The following SENP1 variants were observed in gnomAD, a reference collection of about 807,000 sequenced individuals.
SENP1 encodes the protein sentrin-specific protease 1.
In SENP1, 21 loss-of-function variants were observed where a neutral mutation model predicts 93.0. The ratio of observed to expected loss-of-function variants is 0.23; its 90% confidence interval spans 0.16 to 0.33. SENP1 has a LOEUF of 0.33. Among genes scored for constraint, SENP1 ranks in the 10% least tolerant of loss-of-function variants. The probability of loss-of-function intolerance (pLI) is 1.00; values close to 1 mark genes in which losing one functional copy is unlikely to be tolerated. For synonymous variants in SENP1, 256 were observed against 259.6 expected (o/e 0.99, Z 0.13); for missense variants, 591 against 758.7 (o/e 0.78, Z 2.60).
At chr12:48,048,186 A>G in intron 14 of SENP1, 106 bp from the exon 15 acceptor site, 1 of 696,254 alleles carries the variant, frequency 1.4e-6, no homozygotes. Context: ...TTCCTACAAA[A>G]TCATGACAAG....
intron 2 of SENP1, among the ~76,000 whole-genome samples, chr12:48,099,581 T>C (rs1455763378): frequency 6.6e-6 from 1 of 152,142 alleles, no homozygotes. Flanking sequence ...TCTGGGAGGC[T>C]GAGGTGGGCG....
intron 4 of SENP1, among the ~76,000 whole-genome samples, chr12:48,095,000 C>T (rs1031106760): frequency 3.3e-5 from 5 of 152,082 alleles, no homozygotes; most frequent in African/African-American, 9.7e-5. Context: ...AGTAGAGTTA[C>T]GTTTTGAGAA....
intron 5 of SENP1, among the ~76,000 whole-genome samples, chr12:48,084,832 CT>C (rs1944738354): frequency 6.6e-6 from 1 of 152,100 alleles, no homozygotes; most frequent in East Asian, 1.9e-4. Flanking sequence ...AATACATTTT[CT>C]TTTTTCTTCA....
At position 48,043,983 on chromosome 12, in the gene SENP1, G is replaced by GCAAA. The variant is rs1941174431; in HGVS notation, c.*1338_*1339insTTTG. Reference sequence around the variant, plus strand: ...AAAAAGTATAAAATGTTCCTACTTTGGAACTTAAGTACAAAATGACACTGG... The same window carrying GCAAA: ...AAAAAGTATAAAATGTTCCTACTTTGCAAAGAACTTAAGTACAAAATGACACTGG... On this transcript the variant is annotated 3_prime_UTR_variant, in exon 18 of 18. Coordinates refer to ENST00000549518, the MANE Select transcript of SENP1 (RefSeq NM_001267594.2). 6.6e-6 allele frequency: 1 copy of GCAAA among 152,386 alleles called. No homozygotes were observed. Among genetic ancestry groups the GCAAA allele is most frequent in the Non-Finnish European group, 1.5e-5 (1 of 68,008 alleles). The allele number at this position is 152,386 out of a possible 1,614,324, so 9.4% of individuals were successfully genotyped here.
intron 6 of SENP1, among the ~76,000 whole-genome samples, chr12:48,077,708 A>G (rs913997716): frequency 3.3e-5 from 5 of 151,970 alleles, no homozygotes; most frequent in Non-Finnish European, 5.9e-5. Flanking sequence ...CATTAGGTAT[A>G]TCTCCTAATG....
Position 48,074,721 on chromosome 12 carries a change from C to G in SENP1, c.625G>C (p.Ala209Pro). The G allele has an allele frequency of 6.2e-7, 1 of 1,613,262 alleles. No homozygotes were observed. The highest frequency in any genetic ancestry group is 8.5e-7 in the Non-Finnish European group (1 of 1,179,642). ...AAAGGAAAATGTGTGGTGGGTTTGG[C>G]TATAGTAAACTGTTTCCCTGTGACC... The part of the protein sequence containing the change: ...QMVTGKQFTI[A>P]KPTTHFPLHL... Residue 209 changes from alanine to proline, a missense_variant, in exon 7 of 18, where the codon GCC (alanine) becomes CCC (proline). Around this residue, in one of 4 missense-constraint regions of SENP1, gnomAD observed 214 missense variants for 243.4 expected, o/e 0.88. Transcript: ENST00000549518.
At chr12:48,048,457 C>T (rs966945200) in intron 14 of SENP1, among the ~76,000 whole-genome samples, 2 of 152,156 alleles carry the variant, frequency 1.3e-5, no homozygotes, top group Non-Finnish European at 2.9e-5. Flanking sequence ...GGTTTTATTT[C>T]TTTATATTGA....
chr12:48,082,644 T>C (rs548815213), intron 6 of SENP1, among the ~76,000 whole-genome samples: 1 of 152,344 alleles, frequency 6.6e-6, no homozygotes, highest in South Asian at 2.1e-4. Flanking sequence ...AAATATGTAA[T>C]CTAACAGATA....
At position 48,046,187 on chromosome 12, in the gene SENP1, CT is replaced by C. The variant is rs1941348284; in HGVS notation, c.1872+168del. The stretch of plus-strand genomic sequence containing the variant: ...ACGTGGCTTATCACTAATTTTCTTT[CT>C]TTTGTGATGTGATTCAGGTAGTAAC... On this transcript the variant is annotated intron_variant, in intron 17 of 17. Transcript: ENST00000549518. 2.0e-5 allele frequency among the ~76,000 whole-genome samples: 3 copies of C among 152,270 alleles called. No homozygotes were observed. In the Middle Eastern group the frequency reaches 0.01, roughly 518 times the overall value.
Position 48,062,630 on chromosome 12 carries a change from A to G in SENP1, c.1407+1080T>C, listed in dbSNP as rs34120080. Among the ~76,000 whole-genome samples the G allele has an allele frequency of 2.8e-3, 433 of 152,346 alleles. 2 individuals carry two copies. The highest frequency in any genetic ancestry group is 8.8e-3 in the African/African-American group (368 of 41,586). ...AGTATCCAATTTAAGATTCTGAGGT[A>G]GTTAAGATATAGTAGATAAGACCCA... is the stretch of plus-strand genomic sequence containing the variant. On this transcript the variant is annotated intron_variant, in intron 13 of 17. Coordinates refer to ENST00000549518, the MANE Select transcript of SENP1 (RefSeq NM_001267594.2).
intron 6 of SENP1, among the ~76,000 whole-genome samples, chr12:48,078,392 C>T (rs1176424793): frequency 2.1e-5 from 3 of 146,002 alleles, no homozygotes; most frequent in Non-Finnish European, 4.5e-5. Flanking sequence ...TACATATACA[C>T]ACACATATAT....
intron 11 of SENP1, 47 bp from the exon 12 acceptor site, chr12:48,065,267 T>C: frequency 7.0e-7 from 1 of 1,419,160 alleles, no homozygotes; most frequent in Non-Finnish European, 9.6e-7. Context: ...AATCTGTGGA[T>C]GTTCCTTGAT....
At chr12:48,047,712 T>C (rs2136747959) in intron 15 of SENP1, among the ~76,000 whole-genome samples, 1 of 152,338 alleles carries the variant, frequency 6.6e-6, no homozygotes, top group African/African-American at 2.4e-5. Context: ...TGGGCCTTGG[T>C]CTCTTCATCT....
At chr12:48,056,029 C>A (rs1942254256) in intron 13 of SENP1, among the ~76,000 whole-genome samples, 1 of 124,554 alleles carries the variant, frequency 8.0e-6, no homozygotes, top group African/African-American at 3.2e-5. Flanking sequence ...ACTTAATATA[C>A]TTAATATAGT....
At chr12:48,085,110 G>A in intron 5 of SENP1, 1 of 1,390,390 alleles carries the variant, frequency 7.2e-7, no homozygotes, top group Non-Finnish European at 1.0e-6. Flanking sequence ...CAAGGACACG[G>A]TGACTGGTTT....
chr12:48,045,212 A>G lies in SENP1; in HGVS notation c.*110T>C. 9.7e-6 allele frequency: 8 copies of G among 825,430 alleles called. No individual in the cohort carries two copies. The South Asian group carries it at 1.2e-4, about 12-fold the overall frequency. 51.1% of individuals were successfully genotyped at this position (825,430 alleles called of 1,614,324 possible). ...CTCGCCAGGGCCTGGTCCAGGATCA[A>G]GGGTGTTACAACAGCAGAGGGCTGG... is the stretch of plus-strand genomic sequence containing the variant. On this transcript the variant is annotated 3_prime_UTR_variant, in exon 18 of 18. Transcript: ENST00000549518.
chr12:48,094,548 C>T (rs1003319123), intron 4 of SENP1, among the ~76,000 whole-genome samples: 13 of 152,042 alleles, frequency 8.6e-5, no homozygotes, highest in African/African-American at 2.9e-4. Context: ...GGCATGGTGG[C>T]AGGCAGCTGT....
chr12:48,082,367 G>T (rs1944550436), intron 6 of SENP1, among the ~76,000 whole-genome samples: 1 of 152,150 alleles, frequency 6.6e-6, no homozygotes. Context: ...ATATTGCTGT[G>T]TTGTATAACA....
intron 14 of SENP1, 126 bp from the exon 15 acceptor site, chr12:48,048,206 T>C (rs1381833031): frequency 3.1e-6 from 2 of 638,098 alleles, no homozygotes; most frequent in African/African-American, 3.7e-5. Context: ...GTTTGACTGA[T>C]ATTTTGCATT....
Sources: allele counts gnomAD v4.1 joint callset (sites outside exome capture counted in the v4.1 genomes callset), GRCh38; gene constraint gnomAD v4.1.1; regional missense constraint gnomAD v4.1.1; transcripts MANE v1.5; gene names NCBI Gene and HGNC (gene_info 2026-07-23, HGNC 2026-07-21).